The following CLPX variants were observed in gnomAD, a reference collection of about 807,000 sequenced individuals.
CLPX encodes the protein ATP-dependent clpX-like chaperone, mitochondrial.
CLPX carries 34 observed loss-of-function variants against 76.4 expected under a neutral mutation model. The observed-to-expected ratio is 0.45, with a 90% CI of 0.34 to 0.59. The LOEUF (loss-of-function observed/expected upper bound fraction) is 0.59. Ranked by LOEUF, CLPX falls within the 20% of genes least tolerant of loss-of-function variation. The pLI is 0.01. For missense variants in CLPX, 613 were observed against 757.0 expected (o/e 0.81, Z 2.23); for synonymous variants, 248 against 270.9 (o/e 0.92, Z 0.83).
At chr15:65,160,623 T>TCACA (rs375655324) in intron 6 of CLPX, among the ~76,000 whole-genome samples, 62 of 101,028 alleles carry the variant, frequency 6.1e-4, no homozygotes, top group African/African-American at 1.3e-3. Flanking sequence ...TCTCTCTCTC[T>TCACA]CACACACACA....
chr15:65,179,100 A>G (rs1460899542), intron 2 of CLPX, 49 bp from the exon 3 acceptor site: 1 of 1,080,648 alleles, frequency 9.3e-7, no homozygotes, highest in Non-Finnish European at 1.4e-6. Flanking sequence ...TATTAGTTTC[A>G]GGCAACCAAC....
intron 2 of CLPX, among the ~76,000 whole-genome samples, chr15:65,179,791 CTG>C (rs1423162939): frequency 6.6e-6 from 1 of 152,184 alleles, no homozygotes; most frequent in African/African-American, 2.4e-5. Flanking sequence ...ATCCTACTGA[CTG>C]TCATTTAATG....
intron 3 of CLPX, among the ~76,000 whole-genome samples, chr15:65,171,831 C>T (rs1367257997): frequency 6.6e-6 from 1 of 152,094 alleles, no homozygotes; most frequent in African/African-American, 2.4e-5. Flanking sequence ...AAATCACATC[C>T]CTCTTTGCTT....
chr15:65,157,762 C>T lies in CLPX; in HGVS notation c.1041G>A (p.Val347=). 6.2e-7 allele frequency: 1 copy of T among 1,612,640 alleles called. No homozygotes were observed. The highest frequency in any genetic ancestry group is 1.1e-5 in the South Asian group (1 of 90,720). The change falls in exon 8 of 14, where the codon GTG becomes GTA. Residue 347 remains valine (V), a synonymous_variant. Coordinates refer to ENST00000300107, the MANE Select transcript of CLPX (RefSeq NM_006660.5). Reference sequence around the variant, plus strand: ...AAAACATACCTTGTTGTGCTTTTTCCACATTATAATTGGCATCTTGGAGTA... The same window carrying T: ...AAAACATACCTTGTTGTGCTTTTTCTACATTATAATTGGCATCTTGGAGTA... ...AKLLQDANYN[V]EKAQQGIVFL...
rs372126805 is a variant in CLPX at position 65,185,121 on chromosome 15, C to G, written c.33G>C (p.Ala11=). 33 of 1,580,502 alleles carry G rather than the reference C, an allele frequency of 2.1e-5. No homozygotes were observed. In the African/African-American group the frequency reaches 4.1e-4, roughly 20 times the overall value. Residue 11 remains alanine (A), a synonymous_variant, in exon 1 of 14, where the codon GCG becomes GCC. Coordinates refer to ENST00000300107, the MANE Select transcript of CLPX (RefSeq NM_006660.5). MPSCGACTCG[A]AAVRLITSSL... is the part of the protein sequence containing the mutation. ...AGGAGGTGATGAGCCGGACGGCCGCCGCGCCGCAAGTACAAGCACCGCAGC... is the reference window on the plus strand; with the variant it reads ...AGGAGGTGATGAGCCGGACGGCCGCGGCGCCGCAAGTACAAGCACCGCAGC...
At chr15:65,178,040 T>C (rs1420826594) in intron 3 of CLPX, among the ~76,000 whole-genome samples, 2 of 152,180 alleles carry the variant, frequency 1.3e-5, no homozygotes, top group Admixed American at 6.6e-5. Flanking sequence ...GCACTCTGCC[T>C]ACCTCAGCCT....
At chr15:65,183,841 A>C (rs1244305836) in intron 1 of CLPX, among the ~76,000 whole-genome samples, 1 of 152,230 alleles carries the variant, frequency 6.6e-6, no homozygotes, top group Non-Finnish European at 1.5e-5. Context: ...CACTAAAAGA[A>C]GGCCTGACAC....
intron 2 of CLPX, 124 bp from the exon 3 acceptor site, chr15:65,179,175 T>C (rs1281325552): frequency 1.5e-5 from 8 of 545,474 alleles, no homozygotes; most frequent in Non-Finnish European, 2.3e-5. Context: ...GATGAAATTA[T>C]TAGTATATTT....
rs1346199199 is a variant in CLPX at position 65,149,874 on chromosome 15, A to AC, written c.*948_*949insG. 1.9e-5 allele frequency: 3 copies of AC among 155,342 alleles called. No individual in the cohort carries two copies. Among genetic ancestry groups the AC allele is most frequent in the Non-Finnish European group, 4.3e-5 (3 of 70,116 alleles). 9.6% of individuals were successfully genotyped at this position (155,342 alleles called of 1,614,324 possible). On this transcript the variant is annotated 3_prime_UTR_variant, in exon 14 of 14. Coordinates refer to ENST00000300107, the MANE Select transcript of CLPX (RefSeq NM_006660.5). The stretch of plus-strand genomic sequence containing the variant: ...CTCCGCTCAATTAAAAAAAAAAAAA[A>AC]AAAAAAGATGGTAAATAAATCAGAC...
intron 1 of CLPX, among the ~76,000 whole-genome samples, chr15:65,183,759 CTG>C (rs1320911578): frequency 1.3e-5 from 2 of 152,172 alleles, no homozygotes; most frequent in East Asian, 1.9e-4. Flanking sequence ...CCACTGGAAA[CTG>C]TATTATTCTT....
At chr15:65,167,822 A>T (rs1415632796) in intron 3 of CLPX, among the ~76,000 whole-genome samples, 1 of 151,706 alleles carries the variant, frequency 6.6e-6, no homozygotes, top group Non-Finnish European at 1.5e-5. Flanking sequence ...CAGGAGGTGG[A>T]GGTTGCAGTG....
chr15:65,163,932 A>G, intron 5 of CLPX, 97 bp downstream of exon 5: 1 of 1,165,298 alleles, frequency 8.6e-7, no homozygotes, highest in South Asian at 1.3e-5. Context: ...ATGCCACACT[A>G]TATAAAAAAC....
At chr15:65,171,221 T>G (rs1183023822) in intron 3 of CLPX, among the ~76,000 whole-genome samples, 3 of 151,768 alleles carry the variant, frequency 2.0e-5, no homozygotes, top group Non-Finnish European at 4.4e-5. Context: ...CTGAGGCAGG[T>G]GGATCACTTA....
chr15:65,152,205 G>A (rs1477451921), intron 13 of CLPX, among the ~76,000 whole-genome samples: 1 of 152,226 alleles, frequency 6.6e-6, no homozygotes, highest in East Asian at 1.9e-4. Flanking sequence ...TGGGATTACA[G>A]GTGTGAGCCA....
At chr15:65,169,770 T>G (rs1307028562) in intron 3 of CLPX, among the ~76,000 whole-genome samples, 2 of 152,034 alleles carry the variant, frequency 1.3e-5, no homozygotes, top group African/African-American at 4.8e-5. Flanking sequence ...TTTTTTTTTT[T>G]TTGAGACAGA....
chr15:65,150,477 C>G lies in CLPX; in HGVS notation c.*346G>C, dbSNP rs2087705097. The G allele has an allele frequency of 5.9e-6, 1 of 169,408 alleles. No individual in the cohort carries two copies. The highest frequency in any genetic ancestry group is 2.4e-5 in the African/African-American group (1 of 42,210). The allele number at this position is 169,408 out of a possible 1,614,324, so 10.5% of individuals were successfully genotyped here. On this transcript the variant is annotated 3_prime_UTR_variant, in exon 14 of 14. Coordinates refer to ENST00000300107, the MANE Select transcript of CLPX (RefSeq NM_006660.5). ...TTCAATTTTAAAGAATTTATTTTCCCATTTGTAGAGTAACATTATTGTAAA... is the reference window on the plus strand; with the variant it reads ...TTCAATTTTAAAGAATTTATTTTCCGATTTGTAGAGTAACATTATTGTAAA...
At chr15:65,172,127 C>A (rs1322106027) in intron 3 of CLPX, among the ~76,000 whole-genome samples, 1 of 152,088 alleles carries the variant, frequency 6.6e-6, no homozygotes, top group Non-Finnish European at 1.5e-5. Flanking sequence ...CCACACCCAG[C>A]TAATTTTGTA....
chr15:65,185,032 C>CCG lies in CLPX; in HGVS notation c.79+42_79+43insCG, dbSNP rs1239457416. 6.0e-6 allele frequency: 9 copies of CCG among 1,510,966 alleles called. No homozygotes were observed. The Admixed American group carries it at 9.8e-5, about 17-fold the overall frequency. 93.6% of individuals were successfully genotyped at this position (1,510,966 alleles called of 1,614,324 possible). On this transcript the variant is annotated intron_variant, in intron 1 of 13. Transcript: ENST00000300107. Reference sequence around the variant, plus strand: ...CCCAACCATTGGCCAGTCCACCCCCCCCCCGACAGGCTGAGGGCTCAGGAG... The same window carrying CCG: ...CCCAACCATTGGCCAGTCCACCCCCCCGCCCCGACAGGCTGAGGGCTCAGGAG...
At chr15:65,159,554 G>A (rs1215629438) in intron 6 of CLPX, among the ~76,000 whole-genome samples, 1 of 152,010 alleles carries the variant, frequency 6.6e-6, no homozygotes, top group Non-Finnish European at 1.5e-5. Flanking sequence ...GGGTTGCAGT[G>A]AGCCAAGATC....
Sources: gnomAD v4.1 joint callset for allele counts (sites outside exome capture counted in the v4.1 genomes callset) on GRCh38, gnomAD v4.1.1 for gene constraint, MANE v1.5 for transcripts, NCBI Gene and HGNC (gene_info 2026-07-23, HGNC 2026-07-21) for gene names.